The following DLC1 variants were observed in gnomAD, a reference collection of about 807,000 sequenced individuals.
DLC1 encodes DLC1 Rho GTPase activating protein, also known as rho GTPase-activating protein 7.
In DLC1, 54 loss-of-function variants were observed where a neutral mutation model predicts 140.3. The ratio of observed to expected loss-of-function variants is 0.38; its 90% confidence interval spans 0.31 to 0.48. The LOEUF is 0.48. Ranked by LOEUF, DLC1 falls within the 20% of genes least tolerant of loss-of-function variation. The pLI is 0.96. For missense variants in DLC1, 2,536 were observed against 1,907.0 expected, an observed-to-expected ratio of 1.33 and a Z score of -6.14; for synonymous variants, 986 against 728.1, an observed-to-expected ratio of 1.35 and a Z score of -5.70.
At chr8:13,586,620 C>G (rs1563458970) in intron 1 of DLC1, among the ~76,000 whole-genome samples, 1 of 146,884 alleles carries the variant, frequency 6.8e-6, no homozygotes, top group Non-Finnish European at 1.5e-5. Context: ...CACACACACA[C>G]ACACACCTGC....
At chr8:13,219,094 GTAATTATATAATTATATGTGAATA>G (rs1563174256) in intron 5 of DLC1, among the ~76,000 whole-genome samples, 11 of 74,072 alleles carry the variant, frequency 1.5e-4, no homozygotes, top group African/African-American at 4.1e-4. Flanking sequence ...ATATGTGAAT[GTAATTATATAATTATATGTGAATA>G]TAATTATATA....
At chr8:13,265,298 G>A (rs952451397) in intron 5 of DLC1, among the ~76,000 whole-genome samples, 8 of 152,244 alleles carry the variant, frequency 5.3e-5, no homozygotes, top group Admixed American at 4.6e-4. Context: ...TATACATTAT[G>A]AGCTGACTAC....
chr8:13,521,835 C>G (rs907593388), intron 1 of DLC1, among the ~76,000 whole-genome samples: 1 of 152,122 alleles, frequency 6.6e-6, no homozygotes, highest in South Asian at 2.1e-4. Context: ...AGTACACATA[C>G]CAAGTGAAAA....
At chr8:13,452,273 CTCAA>C (rs1411853099) in intron 2 of DLC1, among the ~76,000 whole-genome samples, 3 of 151,914 alleles carry the variant, frequency 2.0e-5, no homozygotes, top group Non-Finnish European at 4.4e-5. Flanking sequence ...AAGAATTGTA[CTCAA>C]TCAGCTTATA....
At chr8:13,262,961 CATG>C (rs1395759051) in intron 5 of DLC1, among the ~76,000 whole-genome samples, 1 of 152,186 alleles carries the variant, frequency 6.6e-6, no homozygotes, top group Non-Finnish European at 1.5e-5. Context: ...CATTCTAAGA[CATG>C]ATGGTTTGCT....
chr8:13,250,326 A>G (rs1829948227), intron 5 of DLC1, among the ~76,000 whole-genome samples: 1 of 152,166 alleles, frequency 6.6e-6, no homozygotes, highest in African/African-American at 2.4e-5. Flanking sequence ...AGAGTTCCCT[A>G]TAGTTCAAAG....
intron 1 of DLC1, among the ~76,000 whole-genome samples, chr8:13,537,079 G>A (rs1803307705): frequency 6.6e-6 from 1 of 151,808 alleles, no homozygotes. Context: ...CTGAATCTTT[G>A]TCTTTAAGCA....
intron 2 of DLC1, among the ~76,000 whole-genome samples, chr8:13,462,051 G>A (rs1461543622): frequency 6.6e-6 from 1 of 152,110 alleles, no homozygotes; most frequent in Non-Finnish European, 1.5e-5. Flanking sequence ...TTACAAATGG[G>A]ATGGGCACAT....
intron 1 of DLC1, among the ~76,000 whole-genome samples, chr8:13,602,332 A>T (rs752962805): frequency 1.8e-4 from 27 of 151,830 alleles, no homozygotes; most frequent in Non-Finnish European, 3.7e-4. Flanking sequence ...GATTTAAATA[A>T]ATACCAAAAA....
chr8:13,163,460 T>C (rs937640857), intron 5 of DLC1, among the ~76,000 whole-genome samples: 1 of 152,124 alleles, frequency 6.6e-6, no homozygotes, highest in Admixed American at 6.5e-5. Context: ...GAATAAGTGG[T>C]TCCTCCAAAT....
Position 13,306,854 on chromosome 8 carries a change from C to T in DLC1, c.1315-1552G>A, listed in dbSNP as rs191630115. Among the ~76,000 whole-genome samples the T allele has an allele frequency of 6.7e-3, 1,015 of 151,704 alleles. 13 individuals are homozygous for T. Among genetic ancestry groups the T allele is most frequent in the African/African-American group, 0.023 (948 of 41,364 alleles). ...ATCCCAGCACTTTGGGAGGCCGAGG[C>T]GGGTGGATCACCTGAGGTCAGGAGA... is the stretch of plus-strand genomic sequence containing the variant. On this transcript the variant is annotated intron_variant, in intron 4 of 17. Coordinates refer to ENST00000276297, the MANE Select transcript of DLC1 (RefSeq NM_182643.3).
intron 2 of DLC1, among the ~76,000 whole-genome samples, chr8:13,447,542 A>G (rs2116951553): frequency 6.6e-6 from 1 of 152,282 alleles, no homozygotes; most frequent in East Asian, 1.9e-4. Context: ...AGAGCTTTGT[A>G]CTTATCTACA....
chr8:13,388,732 A>G (rs1836628107), intron 4 of DLC1, among the ~76,000 whole-genome samples: 2 of 152,020 alleles, frequency 1.3e-5, no homozygotes, highest in African/African-American at 2.4e-5. Context: ...AATCTATTTT[A>G]TATGTATACA....
At chr8:13,588,017 T>C (rs1281519102) in intron 1 of DLC1, among the ~76,000 whole-genome samples, 2 of 152,104 alleles carry the variant, frequency 1.3e-5, no homozygotes, top group African/African-American at 4.8e-5. Flanking sequence ...ACCTTTATTA[T>C]ATAGGTCCTA....
Position 13,090,445 on chromosome 8 carries a change from C to T in DLC1, c.3881G>A (p.Arg1294His), listed in dbSNP as rs369441118. Residue 1294 changes from arginine to histidine, a missense_variant, in exon 15 of 18, where the codon CGT becomes CAT. Arg to His is a conservative substitution (Grantham distance 29). Transcript: ENST00000276297. ...CAGCTCTTGTTCGGTATAGGAATTA[C>T]GACATCGGCTCATTTCCTCGGGAAC... Reference protein sequence around the residue: ...FQVPEEMSRCRNSYTEQELKP... With the variant: ...FQVPEEMSRCHNSYTEQELKP... The T allele has an allele frequency of 1.9e-5, 31 of 1,613,962 alleles. No individual in the cohort carries two copies. Among genetic ancestry groups the T allele is most frequent in the Admixed American group, 3.3e-5 (2 of 60,000 alleles).
intron 5 of DLC1, among the ~76,000 whole-genome samples, chr8:13,143,007 C>A (rs923570539): frequency 1.3e-5 from 2 of 148,728 alleles, no homozygotes; most frequent in African/African-American, 5.0e-5. Context: ...TGTGCCGTTG[C>A]GCTCCAGCCT....
chr8:13,512,269 A>G (rs1802407735), intron 1 of DLC1, among the ~76,000 whole-genome samples: 1 of 151,898 alleles, frequency 6.6e-6, no homozygotes, highest in South Asian at 2.1e-4. Context: ...CATTCTCTCT[A>G]AGGAAATGGC....
intron 1 of DLC1, among the ~76,000 whole-genome samples, chr8:13,553,156 A>T (rs1803920076): frequency 6.8e-6 from 1 of 147,076 alleles, no homozygotes; most frequent in Non-Finnish European, 1.5e-5. Flanking sequence ...AATTATCAAT[A>T]AAGTAACATT....
At chr8:13,142,265 G>A (rs959141152) in intron 5 of DLC1, among the ~76,000 whole-genome samples, 1 of 152,148 alleles carries the variant, frequency 6.6e-6, no homozygotes, top group Admixed American at 6.5e-5. Flanking sequence ...TGTGAAGAAC[G>A]GACTAATACA....
Sources: allele counts gnomAD v4.1 joint callset (sites outside exome capture counted in the v4.1 genomes callset), GRCh38; gene constraint gnomAD v4.1.1; transcripts MANE v1.5; gene names NCBI Gene and HGNC (gene_info 2026-07-23, HGNC 2026-07-21).